Variants in PATJ observed in about 807,000 individuals in gnomAD.
PATJ encodes the protein inaD-like protein.
Under a neutral mutation model 224.9 loss-of-function variants are expected in PATJ, and 190 were observed. The observed-to-expected ratio is 0.84, with a 90% confidence interval of 0.75 to 0.95. The LOEUF (loss-of-function observed/expected upper bound fraction) is 0.95. Among genes scored for constraint, PATJ ranks in the 40% least tolerant of loss-of-function variants. PATJ has a pLI of 0.00. For synonymous variants in PATJ, 769 were observed against 820.3 expected (o/e 0.94, Z 1.07); for missense variants, 2,121 against 2,270.3 (o/e 0.93, Z 1.34).
intron 43 of PATJ, among the ~76,000 whole-genome samples, chr1:62,158,582 G>A (rs201115125): frequency 5.4e-5 from 8 of 148,698 alleles, no homozygotes; most frequent in East Asian, 1.9e-4. Context: ...TTAGCCAGGC[G>A]TGGTGGCGGG....
At position 61,990,275 on chromosome 1, in the gene PATJ, TC is replaced by T; in HGVS notation, c.3779del (p.Ser1260TyrfsTer3). 1 of 1,614,074 alleles carries T rather than the reference TC, an allele frequency of 6.2e-7. No individual in the cohort carries two copies. The highest frequency in any genetic ancestry group is 8.5e-7 in the Non-Finnish European group (1 of 1,179,958). On this transcript the variant is annotated frameshift_variant, in exon 28 of 44. Transcript: ENST00000642238. LOFTEE classifies it high-confidence loss of function. ...CAGCCTTGCTGGTAATAAAGACCGA[TC>T]ACGCATGAGCATATTTGTGGTGGGA... ...GLSLAGNKDR[S>X]RMSIFVVGIN...
chr1:61,992,448 G>A (rs766555184), intron 28 of PATJ, among the ~76,000 whole-genome samples: 3 of 152,006 alleles, frequency 2.0e-5, no homozygotes, highest in Non-Finnish European at 4.4e-5. Context: ...AACCCAATTT[G>A]TTTAGATTCA....
intron 43 of PATJ, among the ~76,000 whole-genome samples, chr1:62,159,286 G>C (rs1570881723): frequency 6.6e-6 from 1 of 152,106 alleles, no homozygotes; most frequent in East Asian, 1.9e-4. Flanking sequence ...CCGCCTCCCA[G>C]GTTCAAGTGA....
chr1:61,857,340 C>A (rs963037966), intron 18 of PATJ, among the ~76,000 whole-genome samples: 8 of 152,254 alleles, frequency 5.3e-5, no homozygotes, highest in Admixed American at 2.0e-4. Flanking sequence ...AAGAATAGTC[C>A]TTTTGTTACC....
chr1:61,791,275 C>T, intron 8 of PATJ, 73 bp from the exon 9 acceptor site: 2 of 869,642 alleles, frequency 2.3e-6, no homozygotes, highest in East Asian at 5.0e-5. Flanking sequence ...CTTGACAAAC[C>T]TTGCACAGAT....
chr1:61,810,998 G>C (rs1197357062), intron 14 of PATJ, among the ~76,000 whole-genome samples: 1 of 152,104 alleles, frequency 6.6e-6, no homozygotes, highest in Non-Finnish European at 1.5e-5. Flanking sequence ...ATGGATTCTA[G>C]AACCAAACTG....
At chr1:61,821,357 T>C (rs1019187421) in intron 14 of PATJ, among the ~76,000 whole-genome samples, 1 of 152,202 alleles carries the variant, frequency 6.6e-6, no homozygotes, top group African/African-American at 2.4e-5. Context: ...AAAACTATCT[T>C]AGCCTTTCAT....
intron 1 of PATJ, among the ~76,000 whole-genome samples, chr1:61,754,656 C>T (rs981866501): frequency 6.6e-6 from 1 of 151,634 alleles, no homozygotes; most frequent in African/African-American, 2.4e-5. Context: ...GCCAACGTGC[C>T]TGGCCTTATA....
Position 61,881,882 on chromosome 1 carries a change from G to A in PATJ, c.2960-2355G>A, listed in dbSNP as rs148153759. ...ATACACTTGTTCCGTAGAATGGACCGTGGGATGCACAATAGATGCGACTTC... is the reference window on the plus strand; with the variant it reads ...ATACACTTGTTCCGTAGAATGGACCATGGGATGCACAATAGATGCGACTTC... On this transcript the variant is annotated intron_variant, in intron 21 of 43. Transcript: ENST00000642238. Among the ~76,000 whole-genome samples the A allele has an allele frequency of 2.3e-3, 351 of 152,242 alleles. 6 individuals are homozygous for A. The highest frequency in any genetic ancestry group is 0.018 in the Admixed American group (278 of 15,294).
At chr1:61,749,635 G>A (rs1645213855) in intron 1 of PATJ, among the ~76,000 whole-genome samples, 1 of 151,906 alleles carries the variant, frequency 6.6e-6, no homozygotes, top group African/African-American at 2.4e-5. Flanking sequence ...TGGCTGAGCA[G>A]GAACTGCCTA....
At chr1:62,088,938 C>T (rs551488091) in intron 33 of PATJ, among the ~76,000 whole-genome samples, 2 of 150,884 alleles carry the variant, frequency 1.3e-5, no homozygotes, top group South Asian at 2.1e-4. Context: ...GCTTCCAAGG[C>T]GTGTTTCCAC....
chr1:61,948,046 T>A, intron 27 of PATJ, among the ~76,000 whole-genome samples: 1 of 152,188 alleles, frequency 6.6e-6, no homozygotes, highest in Non-Finnish European at 1.5e-5. Flanking sequence ...TCCTTACACC[T>A]TGTACAAAAA....
chr1:62,095,237 C>G (rs1477010250), intron 33 of PATJ, among the ~76,000 whole-genome samples: 1 of 152,178 alleles, frequency 6.6e-6, no homozygotes, highest in Non-Finnish European at 1.5e-5. Context: ...AAAAAATTAT[C>G]TTAAAGTAAG....
At chr1:61,985,237 G>A (rs893333350) in intron 27 of PATJ, among the ~76,000 whole-genome samples, 7 of 152,092 alleles carry the variant, frequency 4.6e-5, no homozygotes, top group African/African-American at 1.2e-4. Flanking sequence ...GCTTGAACCC[G>A]GAAGGTGGAG....
At chr1:61,845,663 A>C (rs12410306) in intron 17 of PATJ, among the ~76,000 whole-genome samples, 1 of 152,040 alleles carries the variant, frequency 6.6e-6, no homozygotes, top group Admixed American at 6.6e-5. Context: ...TTATTTCTAC[A>C]TATTGTGTGC....
chr1:61,922,732 C>T (rs540634058), intron 26 of PATJ, among the ~76,000 whole-genome samples: 9 of 152,268 alleles, frequency 5.9e-5, no homozygotes, highest in Admixed American at 5.9e-4. Context: ...TCTAATCTAC[C>T]CTATTGCTGG....
intron 30 of PATJ, chr1:62,038,905 C>T: frequency 1.1e-6 from 1 of 914,906 alleles, no homozygotes; most frequent in South Asian, 1.3e-5. Context: ...TGTTGGAGTC[C>T]TGTGCACAGA....
At chr1:61,884,150 C>T in intron 21 of PATJ, 87 bp from the exon 22 acceptor site, 1 of 907,862 alleles carries the variant, frequency 1.1e-6, no homozygotes, top group Non-Finnish European at 1.6e-6. Flanking sequence ...AGTCCCCTCC[C>T]ATAGTAGGTG....
At chr1:61,836,487 C>A (rs942070405) in intron 17 of PATJ, among the ~76,000 whole-genome samples, 2 of 152,244 alleles carry the variant, frequency 1.3e-5, no homozygotes, top group Middle Eastern at 6.8e-3. Flanking sequence ...TACAGCTAAA[C>A]CTTGGGGAAT....
Sources: allele counts gnomAD v4.1 joint callset (sites outside exome capture counted in the v4.1 genomes callset), GRCh38; gene constraint gnomAD v4.1.1; transcripts MANE v1.5; gene names NCBI Gene and HGNC (gene_info 2026-07-23, HGNC 2026-07-21).